The following OTC variants were observed in gnomAD, a reference collection of about 807,000 sequenced individuals.
The protein encoded by OTC is ornithine transcarbamylase, mitochondrial.
OTC carries 3 observed loss-of-function variants against 30.3 expected under a neutral mutation model. That is an observed-to-expected ratio of 0.10 (90% CI 0.05 to 0.26). The LOEUF (loss-of-function observed/expected upper bound fraction) is 0.26, where lower values mean the gene tolerates loss of function less well. OTC is among the 10% of genes least tolerant of loss of function. OTC has a pLI of 1.00. For synonymous variants in OTC, 111 were observed against 99.7 expected (o/e 1.11, Z -0.67); for missense variants, 194 against 260.3 (o/e 0.75, Z 1.75).
chrX:38,337,622 G>T, the OTC span, among the ~76,000 whole-genome samples: 4 of 111,813 alleles, frequency 3.6e-5, no homozygotes, highest in African/African-American at 1.3e-4. Context: ...CGTATTCACC[G>T]CTTGGATTCG....
intron 6 of OTC, 89 bp from the exon 7 acceptor site, chrX:38,408,653 G>T (rs1302790300): frequency 3.3e-6 from 2 of 598,890 alleles, no homozygotes; most frequent in Non-Finnish European, 5.4e-6. Flanking sequence ...AAGGGAAGGA[G>T]ACGCGATATT....
the OTC span, among the ~76,000 whole-genome samples, chrX:38,332,080 G>A: frequency 1.8e-5 from 2 of 109,760 alleles, no homozygotes; most frequent in South Asian, 8.0e-4. Context: ...TTGTAGGAGT[G>A]TGAACCCTGT....
At chrX:38,419,470 G>T (rs1243952313) in intron 9 of OTC, among the ~76,000 whole-genome samples, 1 of 110,338 alleles carries the variant, frequency 9.1e-6, no homozygotes, top group Non-Finnish European at 1.9e-5. Flanking sequence ...ATGAACATGG[G>T]ATATCATTCC....
chrX:38,366,845 G>A (rs2068298789), intron 1 of OTC, among the ~76,000 whole-genome samples: 1 of 111,141 alleles, frequency 9.0e-6, no homozygotes, highest in South Asian at 3.8e-4. Flanking sequence ...AAATTTCAAC[G>A]CATTAACACT....
upstream of OTC, among the ~76,000 whole-genome samples, chrX:38,347,739 A>G (rs966343780): frequency 1.2e-4 from 13 of 111,776 alleles, no homozygotes; most frequent in Admixed American, 1.1e-3. Context: ...AAATTTCCAC[A>G]GCACCATAAT....
At chrX:38,420,043 G>A (rs5963426) in intron 9 of OTC, among the ~76,000 whole-genome samples, 25,532 of 110,569 alleles carry the variant, frequency 0.23, 2,334 homozygotes, top group African/African-American at 0.27. Context: ...TAAGTAAGGT[G>A]ATGGATATGT....
In OTC at chrX:38,408,960, A is replaced by G; in HGVS notation, c.802A>G (p.Met268Val). ...ATTAATTACAGACACTTGGATAAGC[A>G]TGGGACAAGAAGAGGAGAAGAAAAA... ...NVLITDTWIS[M>V]GQEEEKKKRL... The change falls in exon 8 of 10, where the codon ATG becomes GTG. Residue 268 changes from methionine (M) to valine (V), a missense_variant. Met to Val is a conservative substitution (Grantham distance 21). Coordinates refer to ENST00000039007, the MANE Select transcript of OTC (RefSeq NM_000531.6). 9.1e-7 allele frequency: 1 copy of G among 1,104,713 alleles called. No homozygotes were observed. The highest frequency in any genetic ancestry group is 1.2e-6 in the Non-Finnish European group (1 of 819,526). The allele number at this position is 1,104,713 out of a possible 1,213,427, so 91.0% of individuals were successfully genotyped here.
At chrX:38,337,919 T>G in the OTC span, among the ~76,000 whole-genome samples, 54 of 109,060 alleles carry the variant, frequency 5.0e-4, no homozygotes, top group African/African-American at 1.6e-3. Context: ...AGTAACTCCC[T>G]CAGGTTAAAA....
intron 6 of OTC, among the ~76,000 whole-genome samples, chrX:38,405,485 AC>A (rs2068511353): frequency 9.1e-6 from 1 of 110,362 alleles, no homozygotes; most frequent in South Asian, 4.0e-4. Flanking sequence ...TCTTATAGGG[AC>A]ACCAGACATA....
intron 9 of OTC, among the ~76,000 whole-genome samples, chrX:38,413,121 G>A (rs1297846685): frequency 1.8e-5 from 2 of 112,042 alleles, no homozygotes; most frequent in African/African-American, 3.2e-5. Context: ...TAGCTGCAAG[G>A]GAGTTTGGGA....
chrX:38,419,326 G>A (rs1027352233), intron 9 of OTC, among the ~76,000 whole-genome samples: 7 of 111,900 alleles, frequency 6.3e-5, no homozygotes, highest in Non-Finnish European at 1.3e-4. Flanking sequence ...TGGGTTCTTT[G>A]TGGTTCCCTA....
the OTC span, among the ~76,000 whole-genome samples, chrX:38,340,466 T>G: frequency 2.2e-5 from 2 of 91,824 alleles, no homozygotes; most frequent in Non-Finnish European, 4.2e-5. Context: ...TTTGTTTTTT[T>G]TTTTTTGTTT....
chrX:38,365,077 A>G (rs1347475771), intron 1 of OTC, among the ~76,000 whole-genome samples: 1 of 112,747 alleles, frequency 8.9e-6, no homozygotes, highest in East Asian at 2.8e-4. Context: ...TCACCATTGC[A>G]AAAAGACCTC....
chrX:38,354,265 T>A (rs2147316322), intron 1 of OTC, among the ~76,000 whole-genome samples: 1 of 112,165 alleles, frequency 8.9e-6, no homozygotes, highest in South Asian at 3.7e-4. Flanking sequence ...AGTGAGATAA[T>A]GTATATGAAA....
intron 1 of OTC, among the ~76,000 whole-genome samples, chrX:38,357,976 T>C (rs2068250400): frequency 8.9e-6 from 1 of 111,796 alleles, no homozygotes; most frequent in African/African-American, 3.3e-5. Context: ...CCCTCTTATG[T>C]GCAGCCTGAA....
intron 1 of OTC, among the ~76,000 whole-genome samples, chrX:38,356,936 A>G (rs2068245029): frequency 8.9e-6 from 1 of 111,755 alleles, no homozygotes; most frequent in Non-Finnish European, 1.9e-5. Context: ...TTTTCACATC[A>G]GTGGGATCAC....
intron 1 of OTC, among the ~76,000 whole-genome samples, chrX:38,360,163 C>T (rs1323744282): frequency 9.2e-6 from 1 of 109,111 alleles, no homozygotes; most frequent in Non-Finnish European, 1.9e-5. Context: ...TCAAGTGATC[C>T]GCCCGCCTCG....
intron 3 of OTC, among the ~76,000 whole-genome samples, chrX:38,378,131 C>T (rs1329480616): frequency 5.8e-5 from 6 of 104,242 alleles, no homozygotes; most frequent in Middle Eastern, 4.9e-3. Flanking sequence ...CCACCGCACC[C>T]GGCCTCTTGT....
chrX:38,364,574 T>C (rs1291183214), intron 1 of OTC, among the ~76,000 whole-genome samples: 2 of 111,128 alleles, frequency 1.8e-5, no homozygotes, highest in African/African-American at 6.6e-5. Flanking sequence ...GGCAGATCAC[T>C]TGTGCTCAGG....
Sources: allele counts gnomAD v4.1 joint callset (sites outside exome capture counted in the v4.1 genomes callset), GRCh38; gene constraint gnomAD v4.1.1; transcripts MANE v1.5; gene names NCBI Gene and HGNC (gene_info 2026-07-23, HGNC 2026-07-21).